The following CCDC122 variants were observed in gnomAD, a reference collection of about 807,000 sequenced individuals.
CCDC122 encodes coiled-coil domain-containing protein 122.
A neutral mutation model predicts 37.0 loss-of-function variants in CCDC122; 38 were observed. The observed-to-expected ratio is 1.03, with a 90% confidence interval of 0.79 to 1.35. The LOEUF (loss-of-function observed/expected upper bound fraction) is 1.35. CCDC122 is among the 40% of genes most tolerant of loss of function. The pLI is 0.00. For missense variants in CCDC122, 305 were observed against 310.0 expected (o/e 0.98, Z 0.12); for synonymous variants, 83 against 95.6 (o/e 0.87, Z 0.77).
At chr13:43,833,944 G>C (rs1393491351), downstream of CCDC122, among the ~76,000 whole-genome samples, 1 of 152,094 alleles carries the variant, frequency 6.6e-6, no homozygotes, top group Non-Finnish European at 1.5e-5. Context: ...CAATTATACA[G>C]AACTAAAATT....
chr13:43,858,162 A>C (rs983114257), intron 6 of CCDC122: 3 of 152,166 alleles, frequency 2.0e-5, no homozygotes, highest in African/African-American at 7.2e-5. Context: ...TGAAACATGC[A>C]TATTTTTATT....
At chr13:43,823,521 G>A (rs1179709677), downstream of CCDC122, among the ~76,000 whole-genome samples, 1 of 152,214 alleles carries the variant, frequency 6.6e-6, no homozygotes, top group Non-Finnish European at 1.5e-5. Context: ...GCGTTGCCTA[G>A]GAATTGCAAT....
At chr13:43,859,612 G>T in intron 5 of CCDC122, 60 bp downstream of exon 5, 1 of 1,228,560 alleles carries the variant, frequency 8.1e-7, no homozygotes, top group Non-Finnish European at 1.1e-6. Context: ...ATCATTTAAT[G>T]TATGTACTTG....
At chr13:43,824,195 C>A (rs1005356552) in intron 3 of CCDC122, among the ~76,000 whole-genome samples, 5 of 152,106 alleles carry the variant, frequency 3.3e-5, no homozygotes, top group Non-Finnish European at 7.3e-5. Context: ...AAACCTGAGT[C>A]CCAAATATGG....
intron 6 of CCDC122, among the ~76,000 whole-genome samples, chr13:43,849,629 C>A (rs913469872): frequency 3.3e-5 from 5 of 152,074 alleles, no homozygotes; most frequent in African/African-American, 9.7e-5. Context: ...TTCTATCTAG[C>A]CAAAAGATAA....
intron 6 of CCDC122, among the ~76,000 whole-genome samples, chr13:43,845,273 T>A (rs1594823987): frequency 6.6e-6 from 1 of 152,246 alleles, no homozygotes; most frequent in East Asian, 1.9e-4. Flanking sequence ...TATCTTACTC[T>A]ACATGCTATA....
At chr13:43,853,706 T>C (rs953551406) in intron 6 of CCDC122, among the ~76,000 whole-genome samples, 1 of 152,214 alleles carries the variant, frequency 6.6e-6, no homozygotes, top group Admixed American at 6.5e-5. Context: ...CATCGCCACA[T>C]GGCACATATT....
At chr13:43,842,991 C>T (rs1256852408) in intron 6 of CCDC122, among the ~76,000 whole-genome samples, 1 of 151,852 alleles carries the variant, frequency 6.6e-6, no homozygotes, top group Non-Finnish European at 1.5e-5. Context: ...TTTTTTCTTT[C>T]CAATCTTTAT....
Position 43,837,217 on chromosome 13 carries a change from T to C in CCDC122, c.*63A>G. On this transcript the variant is annotated 3_prime_UTR_variant, in exon 7 of 7. Transcript: ENST00000444614. ...GTTATTAAGAATCCAAAAGATTTTC[T>C]TAATGTTCTGTCCAGTAATTTTTGT... 2 of 1,482,510 alleles carry C rather than the reference T, an allele frequency of 1.3e-6. No individual in the cohort carries two copies. Among genetic ancestry groups the C allele is most frequent in the Non-Finnish European group, 1.8e-6 (2 of 1,096,188 alleles). 91.8% of individuals were successfully genotyped at this position (1,482,510 alleles called of 1,614,324 possible). A position where few individuals can be genotyped will look rare whatever the true frequency, so the allele number is the denominator to read the frequency against.
intron 3 of CCDC122, among the ~76,000 whole-genome samples, chr13:43,869,015 A>T (rs1410998572): frequency 6.6e-6 from 1 of 152,012 alleles, no homozygotes; most frequent in Non-Finnish European, 1.5e-5. Flanking sequence ...CTGCAATGTC[A>T]TACCCGTTCC....
downstream of CCDC122, among the ~76,000 whole-genome samples, chr13:43,822,803 G>T (rs973337259): frequency 1.3e-5 from 2 of 152,118 alleles, no homozygotes; most frequent in Non-Finnish European, 2.9e-5. Flanking sequence ...AGCTTGTGAT[G>T]AATGCTTCCA....
At chr13:43,864,544 C>A (rs1954211731) in intron 4 of CCDC122, among the ~76,000 whole-genome samples, 1 of 151,956 alleles carries the variant, frequency 6.6e-6, no homozygotes, top group Non-Finnish European at 1.5e-5. Flanking sequence ...AGAGAGGGAG[C>A]CGGGAGGCGC....
chr13:43,854,766 C>T (rs933261228), intron 6 of CCDC122: 1 of 152,132 alleles, frequency 6.6e-6, no homozygotes, highest in African/African-American at 2.4e-5. Context: ...CATCAAAAAG[C>T]TTATCCATCA....
chr13:43,842,192 G>A (rs1953378001), intron 6 of CCDC122, among the ~76,000 whole-genome samples: 1 of 152,080 alleles, frequency 6.6e-6, no homozygotes. Flanking sequence ...TTCACATTTA[G>A]ATCTATGATC....
At chr13:43,831,918 A>G (rs1319638540), downstream of CCDC122, among the ~76,000 whole-genome samples, 2 of 152,126 alleles carry the variant, frequency 1.3e-5, no homozygotes, top group Non-Finnish European at 2.9e-5. Context: ...GCTCACAGTC[A>G]TTATTTAAAT....
chr13:43,845,185 T>C (rs557193617), intron 6 of CCDC122, among the ~76,000 whole-genome samples: 2 of 152,328 alleles, frequency 1.3e-5, no homozygotes, highest in Admixed American at 6.5e-5. Context: ...TCTTAACTTA[T>C]CACAATCTGT....
chr13:43,863,786 C>A (rs184379020), intron 4 of CCDC122, among the ~76,000 whole-genome samples: 9 of 151,824 alleles, frequency 5.9e-5, no homozygotes, highest in Non-Finnish European at 8.8e-5. Context: ...CTGTGACAAC[C>A]CAAATGGCCA....
intron 4 of CCDC122, among the ~76,000 whole-genome samples, chr13:43,862,610 T>C (rs993481671): frequency 1.3e-5 from 2 of 152,166 alleles, no homozygotes; most frequent in Non-Finnish European, 2.9e-5. Context: ...CTGTCTTCAT[T>C]ACCACCATCT....
chr13:43,838,687 T>C (rs1953245577), intron 6 of CCDC122, among the ~76,000 whole-genome samples: 1 of 152,170 alleles, frequency 6.6e-6, no homozygotes, highest in Non-Finnish European at 1.5e-5. Context: ...GGGCTTATGT[T>C]TGAACACAAT....
Sources: gnomAD v4.1 joint callset for allele counts (sites outside exome capture counted in the v4.1 genomes callset) on GRCh38, gnomAD v4.1.1 for gene constraint, MANE v1.5 for transcripts, NCBI Gene and HGNC (gene_info 2026-07-23, HGNC 2026-07-21) for gene names.